PMFBP1: variants seen among roughly 807,000 people sequenced by gnomAD.
PMFBP1 encodes polyamine-modulated factor 1-binding protein 1.
In PMFBP1, 131 loss-of-function variants were observed where a neutral mutation model predicts 137.8. That is an observed-to-expected ratio of 0.95 (90% CI 0.82 to 1.10). The LOEUF (loss-of-function observed/expected upper bound fraction) is 1.10. Among genes scored for constraint, PMFBP1 ranks in the 50% least tolerant of loss-of-function variants. The pLI is 0.00. For missense variants in PMFBP1, 1,199 were observed against 1,175.4 expected, an observed-to-expected ratio of 1.02 and a Z score of -0.29; for synonymous variants, 490 against 450.4, an observed-to-expected ratio of 1.09 and a Z score of -1.11.
chr16:72,195,075 T>A, the PMFBP1 span, among the ~76,000 whole-genome samples: 1 of 152,142 alleles, frequency 6.6e-6, no homozygotes, highest in Non-Finnish European at 1.5e-5. Flanking sequence ...GCTGTTCGGG[T>A]CTCCCTTGAC....
chr16:72,119,052 C>T (rs150044295), downstream of PMFBP1: 6 of 358,400 alleles, frequency 1.7e-5, no homozygotes, highest in East Asian at 9.4e-5. Context: ...TGGGGGATTG[C>T]GGGGCAGAAA....
chr16:72,180,580 T>C (rs2043272651), upstream of PMFBP1, among the ~76,000 whole-genome samples: 1 of 152,096 alleles, frequency 6.6e-6, no homozygotes, highest in Non-Finnish European at 1.5e-5. Context: ...ACGCCCTTTC[T>C]ACACTTCTGC....
chr16:72,229,626 A>G, the PMFBP1 span, among the ~76,000 whole-genome samples: 1 of 151,792 alleles, frequency 6.6e-6, no homozygotes, highest in African/African-American at 2.4e-5. Flanking sequence ...GTATTTTTTC[A>G]TATGCTTGTT....
At chr16:72,225,934 GACAC>G in the PMFBP1 span, among the ~76,000 whole-genome samples, 19,276 of 140,548 alleles carry the variant, frequency 0.14, 1,311 homozygotes, top group Middle Eastern at 0.15. Context: ...CACACTCACA[GACAC>G]ACACACACAC....
the PMFBP1 span, among the ~76,000 whole-genome samples, chr16:72,246,953 T>G: frequency 1.3e-5 from 2 of 152,152 alleles, no homozygotes; most frequent in Non-Finnish European, 2.9e-5. Context: ...GATACCCTCC[T>G]ACTGTTCAGG....
upstream of PMFBP1, chr16:72,174,102 T>C (rs1271116561): frequency 1.3e-5 from 2 of 152,220 alleles, no homozygotes; most frequent in Admixed American, 6.5e-5. Flanking sequence ...AAACAAAAAC[T>C]TGGTCAGAGC....
chr16:72,128,958 C>G, intron 13 of PMFBP1, 108 bp downstream of exon 13: 2 of 1,518,212 alleles, frequency 1.3e-6, no homozygotes, highest in Non-Finnish European at 1.8e-6. Flanking sequence ...TCCCTCCCGT[C>G]TTTCCTAAGC....
At chr16:72,152,904 G>A (rs1276872431) in intron 4 of PMFBP1, among the ~76,000 whole-genome samples, 2 of 151,338 alleles carry the variant, frequency 1.3e-5, no homozygotes, top group Non-Finnish European at 2.9e-5. Flanking sequence ...GGCACCTCAG[G>A]TGACTTAGAG....
At chr16:72,227,559 AT>A in the PMFBP1 span, among the ~76,000 whole-genome samples, 1 of 152,160 alleles carries the variant, frequency 6.6e-6, no homozygotes, top group Non-Finnish European at 1.5e-5. Flanking sequence ...ACATTATTCT[AT>A]TGATATTTCC....
chr16:72,217,819 C>G, the PMFBP1 span, among the ~76,000 whole-genome samples: 1 of 151,946 alleles, frequency 6.6e-6, no homozygotes, highest in Non-Finnish European at 1.5e-5. Flanking sequence ...GCCTGGGCAA[C>G]AAGAGTGAAA....
the PMFBP1 span, among the ~76,000 whole-genome samples, chr16:72,207,710 A>ATG: frequency 0.15 from 20,929 of 143,882 alleles, 1,633 homozygotes; most frequent in African/African-American, 0.22. Flanking sequence ...CCAGTAGGGC[A>ATG]TGTGTGTGTG....
chr16:72,171,779 A>T (rs2144535301), intron 1 of PMFBP1: 1 of 152,296 alleles, frequency 6.6e-6, no homozygotes, highest in Middle Eastern at 3.4e-3. Flanking sequence ...AGCTTCCATT[A>T]ATTTTGTAAC....
chr16:72,137,605 C>T (rs918517875), intron 7 of PMFBP1, among the ~76,000 whole-genome samples: 1 of 152,022 alleles, frequency 6.6e-6, no homozygotes, highest in Non-Finnish European at 1.5e-5. Context: ...GAGGCAAGTG[C>T]GGCTGGCACG....
the PMFBP1 span, among the ~76,000 whole-genome samples, chr16:72,209,104 G>A: frequency 1.8e-4 from 28 of 152,316 alleles, no homozygotes; most frequent in African/African-American, 5.8e-4. Context: ...ACTCAGCCCC[G>A]GTGAGCCCTC....
chr16:72,158,714 C>G (rs72787094), intron 3 of PMFBP1, among the ~76,000 whole-genome samples: 1 of 152,070 alleles, frequency 6.6e-6, no homozygotes, highest in Non-Finnish European at 1.5e-5. Flanking sequence ...TCTTATCAGG[C>G]CAGGCATGGT....
At chr16:72,131,243 G>A (rs1329084987) in intron 10 of PMFBP1, among the ~76,000 whole-genome samples, 1 of 152,170 alleles carries the variant, frequency 6.6e-6, no homozygotes, top group African/African-American at 2.4e-5. Flanking sequence ...AAGGTGTGTG[G>A]GAGGAGGGTA....
chr16:72,133,009 C>T lies in PMFBP1; in HGVS notation c.1204-18G>A, dbSNP rs2042572655. ...TGGAGGAACTGAAGACAGCAAAATG[C>T]AAATGCTGGGAAAGGTCTGAGTGGC... On this transcript the variant is annotated intron_variant, in intron 9 of 20. Coordinates refer to ENST00000237353, the MANE Select transcript of PMFBP1 (RefSeq NM_031293.3). 1.2e-6 allele frequency: 2 copies of T among 1,613,114 alleles called. No individual in the cohort carries two copies. The highest frequency in any genetic ancestry group is 1.7e-6 in the Non-Finnish European group (2 of 1,179,590).
intron 19 of PMFBP1, among the ~76,000 whole-genome samples, chr16:72,121,475 C>T (rs1235955933): frequency 6.6e-6 from 1 of 152,226 alleles, no homozygotes; most frequent in African/African-American, 2.4e-5. Flanking sequence ...CAGCCATGTA[C>T]CTAAGGCCAA....
At chr16:72,187,030 T>C in the PMFBP1 span, among the ~76,000 whole-genome samples, 6 of 151,660 alleles carry the variant, frequency 4.0e-5, no homozygotes, top group Non-Finnish European at 8.8e-5. Context: ...GGAGAATCGC[T>C]TGAATCCGGG....
Sources: allele counts gnomAD v4.1 joint callset (sites outside exome capture counted in the v4.1 genomes callset), GRCh38; gene constraint gnomAD v4.1.1; transcripts MANE v1.5; gene names NCBI Gene and HGNC (gene_info 2026-07-23, HGNC 2026-07-21).